The following NDUFAF6 variants were observed in gnomAD, a reference collection of about 807,000 sequenced individuals.
NDUFAF6 encodes the protein NADH dehydrogenase (ubiquinone) complex I, assembly factor 6.
NDUFAF6 carries 45 observed loss-of-function variants against 40.8 expected under a neutral mutation model. The ratio of observed to expected loss-of-function variants is 1.10; its 90% CI spans 0.87 to 1.42. NDUFAF6 has a LOEUF of 1.42. NDUFAF6 is among the 40% of genes most tolerant of loss of function. The probability of loss-of-function intolerance (pLI) is 0.00; values close to 1 mark genes in which losing one functional copy is unlikely to be tolerated. For synonymous variants in NDUFAF6, 185 were observed against 155.9 expected, an observed-to-expected ratio of 1.19 and a Z score of -1.39; for missense variants, 435 against 418.5, an observed-to-expected ratio of 1.04 and a Z score of -0.34.
chr8:95,036,520 T>G, intron 3 of NDUFAF6: 1 of 1,285,132 alleles, frequency 7.8e-7, no homozygotes, highest in Non-Finnish European at 1.0e-6. Flanking sequence ...GTTCTTTACC[T>G]CTGTTCATCC....
intron 1 of NDUFAF6, among the ~76,000 whole-genome samples, chr8:95,025,529 A>G (rs1473475412): frequency 6.6e-6 from 1 of 152,204 alleles, no homozygotes; most frequent in Non-Finnish European, 1.5e-5. Flanking sequence ...TTTTAACCAC[A>G]ACGGTAGCCA....
chr8:94,991,620 G>C (rs1027081274), intron 2 of NDUFAF6, among the ~76,000 whole-genome samples: 4 of 151,682 alleles, frequency 2.6e-5, no homozygotes, highest in African/African-American at 9.7e-5. Context: ...AGATAATTTT[G>C]TTTCTTATCA....
intron 2 of NDUFAF6, among the ~76,000 whole-genome samples, chr8:94,986,753 T>C (rs1825927515): frequency 6.6e-6 from 1 of 152,222 alleles, no homozygotes; most frequent in Admixed American, 6.5e-5. Context: ...TATGAGCTAA[T>C]TTGGTTTCTG....
chr8:94,989,744 C>T (rs193263243), intron 2 of NDUFAF6, among the ~76,000 whole-genome samples: 367 of 152,250 alleles, frequency 2.4e-3, no homozygotes, highest in Middle Eastern at 0.02. Flanking sequence ...TTCTCTTTCA[C>T]GTGTTGCACA....
intron 1 of NDUFAF6, among the ~76,000 whole-genome samples, chr8:94,901,995 C>T (rs1211995997): frequency 6.6e-6 from 1 of 152,144 alleles, no homozygotes; most frequent in East Asian, 1.9e-4. Flanking sequence ...CTTACTTCAT[C>T]ACAGATCTCT....
At chr8:94,899,731 C>T (rs1048200790) in intron 1 of NDUFAF6, among the ~76,000 whole-genome samples, 7 of 152,228 alleles carry the variant, frequency 4.6e-5, no homozygotes, top group Non-Finnish European at 8.8e-5. Flanking sequence ...ACACCATTCT[C>T]TCTTCAGTGC....
At chr8:94,910,000 C>T (rs1001178077) in intron 1 of NDUFAF6, among the ~76,000 whole-genome samples, 2 of 151,974 alleles carry the variant, frequency 1.3e-5, no homozygotes, top group Admixed American at 1.3e-4. Context: ...TCTGACATGG[C>T]CCTTCTTGTA....
At chr8:95,053,952 T>TTTTTTTTTTG (rs1554681590) in intron 8 of NDUFAF6, among the ~76,000 whole-genome samples, 1 of 136,910 alleles carries the variant, frequency 7.3e-6, no homozygotes. Context: ...TTTTTTTTTT[T>TTTTTTTTTTG]GAGACAAAAT....
At chr8:94,956,107 C>T (rs113360308), upstream of NDUFAF6, among the ~76,000 whole-genome samples, 189 of 152,308 alleles carry the variant, frequency 1.2e-3, 1 homozygote, top group African/African-American at 4.3e-3. Context: ...CTCTCTTAGC[C>T]TCCATTTCCT....
downstream of NDUFAF6, among the ~76,000 whole-genome samples, chr8:95,103,746 T>G (rs1809729100): frequency 1.3e-5 from 2 of 152,198 alleles, no homozygotes; most frequent in African/African-American, 4.8e-5. Context: ...CATGCATGGT[T>G]CTTTTGTCTG....
At chr8:94,985,421 C>T (rs1825731994) in intron 2 of NDUFAF6, among the ~76,000 whole-genome samples, 1 of 128,648 alleles carries the variant, frequency 7.8e-6, no homozygotes, top group African/African-American at 3.0e-5. Context: ...ATTTGCACAA[C>T]CCCTGGGTTA....
chr8:95,086,797 G>A (rs561201278), intron 2 of NDUFAF6, among the ~76,000 whole-genome samples: 1 of 151,924 alleles, frequency 6.6e-6, no homozygotes, highest in Non-Finnish European at 1.5e-5. Flanking sequence ...TAGAGACGGG[G>A]TTTCACCGTG....
chr8:95,064,801 G>A (rs1014682244), intron 9 of NDUFAF6, among the ~76,000 whole-genome samples: 4 of 152,024 alleles, frequency 2.6e-5, no homozygotes, highest in African/African-American at 9.7e-5. Context: ...TGCCTCATAC[G>A]CTGGGGGAAG....
chr8:95,094,347 T>TTTTTCTTTCCTTCTTTCTTTTC (rs796888725), intron 2 of NDUFAF6, among the ~76,000 whole-genome samples: 1 of 135,516 alleles, frequency 7.4e-6, no homozygotes, highest in Non-Finnish European at 1.5e-5. Context: ...ATGTCTTTCC[T>TTTTTCTTTCCTTCTTTCTTTTC]TTTTCTTTCC....
intron 2 of NDUFAF6, among the ~76,000 whole-genome samples, chr8:95,018,942 C>T (rs901070024): frequency 6.6e-6 from 1 of 152,200 alleles, no homozygotes; most frequent in Non-Finnish European, 1.5e-5. Flanking sequence ...ATAGCTGTAA[C>T]TCCACCCATT....
At chr8:95,053,589 C>G (rs1415186342) in intron 8 of NDUFAF6, among the ~76,000 whole-genome samples, 1 of 151,942 alleles carries the variant, frequency 6.6e-6, no homozygotes, top group African/African-American at 2.4e-5. Context: ...GGCATTGATA[C>G]TTTTTAAAAG....
At chr8:95,073,294 C>G (rs1278471815) in intron 9 of NDUFAF6, 1 of 152,286 alleles carries the variant, frequency 6.6e-6, no homozygotes, top group East Asian at 1.9e-4. Flanking sequence ...CAAAGCGGGT[C>G]TCCCCGTTTT....
chr8:94,923,719 G>A (rs1257990809), intron 1 of NDUFAF6, among the ~76,000 whole-genome samples: 3 of 146,430 alleles, frequency 2.0e-5, no homozygotes, highest in African/African-American at 2.5e-5. Context: ...TCGCTCTGTC[G>A]CCCAGTCTGG....
chr8:94,979,782 G>A (rs1453277604), intron 1 of NDUFAF6, among the ~76,000 whole-genome samples: 5 of 152,138 alleles, frequency 3.3e-5, no homozygotes, highest in African/African-American at 7.2e-5. Context: ...GACAAAAAAC[G>A]AACTTTATCC....
Sources: allele counts gnomAD v4.1 joint callset (sites outside exome capture counted in the v4.1 genomes callset), GRCh38; gene constraint gnomAD v4.1.1; transcripts MANE v1.5; gene names NCBI Gene and HGNC (gene_info 2026-07-23, HGNC 2026-07-21).